Variants in SPAG16 observed in about 807,000 individuals in gnomAD.
SPAG16 encodes sperm associated antigen 16, also known as sperm-associated antigen 16 protein.
SPAG16 carries 86 observed loss-of-function variants against 80.4 expected under a neutral mutation model. The observed-to-expected ratio is 1.07, with a 90% CI of 0.90 to 1.28. SPAG16 has a LOEUF of 1.28. Among genes scored for constraint, SPAG16 ranks in the 50% most tolerant of loss-of-function variants. The pLI, the probability that SPAG16 is intolerant of heterozygous loss-of-function variation, is 0.00. For synonymous variants in SPAG16, 294 were observed against 265.9 expected (o/e 1.11, Z -1.03); for missense variants, 870 against 765.3 (o/e 1.14, Z -1.61).
At chr2:214,013,884 T>C in intron 12 of SPAG16, 67 bp from the exon 13 acceptor site, 1 of 1,458,722 alleles carries the variant, frequency 6.9e-7, no homozygotes. Flanking sequence ...CCTTAAATTA[T>C]TTTTATTAGC....
At chr2:214,127,589 T>C (rs928926614) in intron 14 of SPAG16, among the ~76,000 whole-genome samples, 1 of 151,956 alleles carries the variant, frequency 6.6e-6, no homozygotes, top group Non-Finnish European at 1.5e-5. Context: ...TTCATTTTTA[T>C]CTGTAAATAT....
At chr2:214,394,204 C>CT (rs1338579884) in intron 15 of SPAG16, among the ~76,000 whole-genome samples, 2 of 151,996 alleles carry the variant, frequency 1.3e-5, no homozygotes, top group South Asian at 2.1e-4. Flanking sequence ...TTCTGTGTGG[C>CT]TTTTTTTCTC....
chr2:213,292,663 CA>C lies in SPAG16; in HGVS notation c.137-3389del, dbSNP rs1248465249. Among the ~76,000 whole-genome samples, 263 of 76,366 alleles carry C rather than the reference CA, an allele frequency of 3.4e-3. 14 individuals are homozygous for C. The highest frequency in any genetic ancestry group is 0.016 in the African/African-American group (229 of 14,510). 50.1% of individuals were successfully genotyped at this position (76,366 alleles called of 152,430 possible). A position where few individuals can be genotyped will look rare whatever the true frequency, so the allele number is the denominator to read the frequency against. ...TGGGCGACAGAGCGAGACTCCGTCT[CA>C]AAAAAAAAAAACAAAAAAAACAAAA... is the stretch of plus-strand genomic sequence containing the variant. On this transcript the variant is annotated intron_variant, in intron 1 of 15. Coordinates refer to ENST00000331683, the MANE Select transcript of SPAG16 (RefSeq NM_024532.5).
chr2:214,314,969 A>AG (rs1269484687), intron 15 of SPAG16, among the ~76,000 whole-genome samples: 5 of 152,094 alleles, frequency 3.3e-5, no homozygotes, highest in Non-Finnish European at 7.4e-5. Flanking sequence ...TAAAAAAAAA[A>AG]AAGAAGGAAT....
chr2:214,229,030 A>G (rs999284349), intron 15 of SPAG16, among the ~76,000 whole-genome samples: 5 of 151,820 alleles, frequency 3.3e-5, no homozygotes, highest in Admixed American at 6.6e-5. Flanking sequence ...AGTTTCTGCT[A>G]TGGAGCCAAC....
At chr2:213,764,779 A>G (rs979681984) in intron 10 of SPAG16, among the ~76,000 whole-genome samples, 2 of 152,182 alleles carry the variant, frequency 1.3e-5, no homozygotes, top group African/African-American at 2.4e-5. Context: ...GTGATATTTT[A>G]ATTATATGAA....
chr2:213,865,550 G>A (rs747098975), intron 11 of SPAG16, among the ~76,000 whole-genome samples: 3 of 149,594 alleles, frequency 2.0e-5, no homozygotes, highest in Non-Finnish European at 4.5e-5. Context: ...AATTCAAATT[G>A]AAAAAACAAT....
At chr2:213,326,974 T>C (rs2063868687) in intron 5 of SPAG16, among the ~76,000 whole-genome samples, 1 of 152,036 alleles carries the variant, frequency 6.6e-6, no homozygotes, top group Admixed American at 6.6e-5. Context: ...TGTACCTTAA[T>C]ATTGCATAAT....
At chr2:213,951,343 A>C (rs1198256244) in intron 12 of SPAG16, among the ~76,000 whole-genome samples, 1 of 152,176 alleles carries the variant, frequency 6.6e-6, no homozygotes, top group Non-Finnish European at 1.5e-5. Context: ...TTATAAACTA[A>C]ATTTTAAAAT....
At chr2:213,449,532 G>C (rs865988922) in intron 9 of SPAG16, among the ~76,000 whole-genome samples, 1 of 152,110 alleles carries the variant, frequency 6.6e-6, no homozygotes, top group Admixed American at 6.6e-5. Context: ...GTCACCCCTC[G>C]CGGCCCAGAT....
At chr2:214,014,188 G>T in intron 13 of SPAG16, 111 bp downstream of exon 13, 1 of 1,337,160 alleles carries the variant, frequency 7.5e-7, no homozygotes, top group South Asian at 1.6e-5. Context: ...GGCATTCAGG[G>T]CAAAAGAACA....
chr2:214,190,502 T>C (rs975502671), intron 15 of SPAG16, among the ~76,000 whole-genome samples: 2 of 152,162 alleles, frequency 1.3e-5, no homozygotes, highest in African/African-American at 4.8e-5. Flanking sequence ...TTGTATACAA[T>C]TGATAGCTCA....
chr2:214,367,762 C>T (rs1699568833), intron 15 of SPAG16, among the ~76,000 whole-genome samples: 2 of 152,132 alleles, frequency 1.3e-5, no homozygotes, highest in African/African-American at 2.4e-5. Flanking sequence ...TCCAGTGTGA[C>T]ACATTGTCTT....
chr2:213,287,075 A>G (rs1323999781), intron 1 of SPAG16, among the ~76,000 whole-genome samples: 3 of 152,156 alleles, frequency 2.0e-5, no homozygotes, highest in African/African-American at 7.3e-5. Flanking sequence ...AAGGTGAGAT[A>G]CAAATATACA....
At position 213,774,573 on chromosome 2, in the gene SPAG16, T is replaced by A. The variant is rs558532190; in HGVS notation, c.1071-87912T>A. 3.3e-5 allele frequency among the ~76,000 whole-genome samples: 5 copies of A among 152,310 alleles called. No individual in the cohort carries two copies. In the East Asian group the frequency reaches 9.6e-4, roughly 29 times the overall value. On this transcript the variant is annotated intron_variant, in intron 10 of 15. Coordinates refer to ENST00000331683, the MANE Select transcript of SPAG16 (RefSeq NM_024532.5). ...TTCCAAATAAGTTCATATTCTGAGT[T>A]AATGGGGGTTAGGATTTCAACATAT...
intron 15 of SPAG16, among the ~76,000 whole-genome samples, chr2:214,158,883 A>C (rs2125595923): frequency 6.6e-6 from 1 of 152,170 alleles, no homozygotes; most frequent in East Asian, 1.9e-4. Context: ...ATTTTAATCT[A>C]GCACATGCCC....
chr2:213,391,974 A>G (rs2067776928), intron 9 of SPAG16, among the ~76,000 whole-genome samples: 1 of 152,230 alleles, frequency 6.6e-6, no homozygotes, highest in Non-Finnish European at 1.5e-5. Context: ...TTCTGTGCTC[A>G]TAAAACCTGT....
chr2:213,908,555 G>C (rs1237577670), intron 11 of SPAG16, among the ~76,000 whole-genome samples: 5 of 151,984 alleles, frequency 3.3e-5, no homozygotes, highest in Non-Finnish European at 1.5e-5. Flanking sequence ...TTTCCTTAAC[G>C]CTGAAATCTA....
intron 15 of SPAG16, among the ~76,000 whole-genome samples, chr2:214,397,448 G>A (rs377700312): frequency 6.6e-5 from 10 of 152,126 alleles, no homozygotes; most frequent in East Asian, 5.8e-4. Flanking sequence ...GTGAGCCCCC[G>A]CGCCCGGCCA....
Sources: allele counts gnomAD v4.1 joint callset (sites outside exome capture counted in the v4.1 genomes callset), GRCh38; gene constraint gnomAD v4.1.1; transcripts MANE v1.5; gene names NCBI Gene and HGNC (gene_info 2026-07-23, HGNC 2026-07-21).